The following PARD3 variants were observed in gnomAD, a reference collection of about 807,000 sequenced individuals.
PARD3 encodes partitioning defective 3 homolog.
Under a neutral mutation model 155.4 loss-of-function variants are expected in PARD3, and 75 were observed. The ratio of observed to expected loss-of-function variants is 0.48; its 90% CI spans 0.40 to 0.58. The LOEUF (loss-of-function observed/expected upper bound fraction) is 0.58, where lower values mean the gene tolerates loss of function less well. PARD3 is among the 20% of genes least tolerant of loss of function. The probability of loss-of-function intolerance (pLI) is 0.00; values close to 1 mark genes in which losing one functional copy is unlikely to be tolerated. For missense variants in PARD3, 1,642 were observed against 1,721.7 expected (o/e 0.95, Z 0.82); for synonymous variants, 576 against 610.5 (o/e 0.94, Z 0.83).
intron 20 of PARD3, among the ~76,000 whole-genome samples, chr10:34,308,812 A>G (rs1235312748): frequency 6.6e-6 from 1 of 152,134 alleles, no homozygotes; most frequent in Non-Finnish European, 1.5e-5. Context: ...TGTGTTACCA[A>G]AAAGAGAAAA....
intron 1 of PARD3, among the ~76,000 whole-genome samples, chr10:34,770,860 G>A (rs2134091097): frequency 6.6e-6 from 1 of 152,270 alleles, no homozygotes; most frequent in East Asian, 1.9e-4. Flanking sequence ...CGGAAAGGTG[G>A]GCAGCAAAGT....
chr10:34,120,478 T>C (rs1010789859), intron 23 of PARD3, among the ~76,000 whole-genome samples: 1 of 152,124 alleles, frequency 6.6e-6, no homozygotes, highest in Admixed American at 6.5e-5. Flanking sequence ...AGAGGGAAAG[T>C]CCAGGAGTGC....
intron 2 of PARD3, among the ~76,000 whole-genome samples, chr10:34,560,833 T>TA (rs1295376790): frequency 6.6e-6 from 1 of 152,158 alleles, no homozygotes; most frequent in Non-Finnish European, 1.5e-5. Flanking sequence ...AAAGGATAGC[T>TA]AGGGGAATAA....
At chr10:34,746,566 A>T (rs1254074426) in intron 1 of PARD3, among the ~76,000 whole-genome samples, 1 of 152,220 alleles carries the variant, frequency 6.6e-6, no homozygotes, top group African/African-American at 2.4e-5. Context: ...GCCCATAAGT[A>T]GCCCAAACTT....
At chr10:34,304,913 T>C (rs1321858932) in intron 20 of PARD3, among the ~76,000 whole-genome samples, 5 of 152,154 alleles carry the variant, frequency 3.3e-5, no homozygotes, top group Admixed American at 6.5e-5. Context: ...ACATACCACC[T>C]GACAAAATCA....
At chr10:34,812,698 C>G (rs949292283) in intron 1 of PARD3, among the ~76,000 whole-genome samples, 2 of 152,134 alleles carry the variant, frequency 1.3e-5, no homozygotes, top group African/African-American at 4.8e-5. Flanking sequence ...ACCTACAGAA[C>G]TCTAAGTTGT....
At chr10:34,811,286 G>C (rs376286684) in intron 1 of PARD3, among the ~76,000 whole-genome samples, 151 of 152,258 alleles carry the variant, frequency 9.9e-4, no homozygotes, top group African/African-American at 3.3e-3. Context: ...TCCTCAGTTT[G>C]ATCCTGACCC....
intron 22 of PARD3, among the ~76,000 whole-genome samples, chr10:34,254,886 T>C (rs1207213973): frequency 6.6e-6 from 1 of 152,154 alleles, no homozygotes; most frequent in African/African-American, 2.4e-5. Flanking sequence ...GACAGACAGA[T>C]GTGTACAAGA....
chr10:34,195,335 T>C (rs1457615045), intron 22 of PARD3, among the ~76,000 whole-genome samples: 2 of 152,202 alleles, frequency 1.3e-5, no homozygotes, highest in Non-Finnish European at 2.9e-5. Flanking sequence ...ACTCTTTTCT[T>C]TGTTGTTCAA....
chr10:34,385,440 G>A (rs917944806), intron 7 of PARD3, among the ~76,000 whole-genome samples: 1 of 152,054 alleles, frequency 6.6e-6, no homozygotes, highest in Non-Finnish European at 1.5e-5. Context: ...ATTACTTGAT[G>A]GCTGGCATAA....
chr10:34,532,864 C>T (rs915087526), intron 2 of PARD3, among the ~76,000 whole-genome samples: 2 of 152,164 alleles, frequency 1.3e-5, no homozygotes, highest in Non-Finnish European at 2.9e-5. Context: ...TGTCACTTAA[C>T]AACAGGGATA....
In PARD3 at chr10:34,497,004, T is replaced by C. The variant is rs909084640; in HGVS notation, c.403+19975A>G. Among the ~76,000 whole-genome samples the C allele has an allele frequency of 2.0e-5, 3 of 152,312 alleles. No homozygotes were observed. The East Asian group carries it at 5.8e-4, about 29-fold the overall frequency. ...TTGGATGAGTTCGTAGGAGTATAGA[T>C]GCAGCAAGACTAGCCATAAATTAAT... On this transcript the variant is annotated intron_variant, in intron 3 of 24. Transcript: ENST00000374788.
chr10:34,121,113 T>G (rs1311826968), intron 23 of PARD3, among the ~76,000 whole-genome samples: 1 of 152,096 alleles, frequency 6.6e-6, no homozygotes, highest in Non-Finnish European at 1.5e-5. Context: ...AAAACATACT[T>G]TGGTCAGCAA....
chr10:34,435,772 C>T lies in PARD3; in HGVS notation c.714+14545G>A, dbSNP rs141190358. On this transcript the variant is annotated intron_variant, in intron 5 of 24. Coordinates refer to ENST00000374788, the MANE Select transcript of PARD3 (RefSeq NM_001184785.2). ...AAAAAGTTAACACAGAAGTAAATTA[C>T]AAAGCACCCCGCTTTGGGATATACT... Among the ~76,000 whole-genome samples the T allele has an allele frequency of 6.4e-4, 98 of 152,304 alleles. 1 individual carries two copies. Among genetic ancestry groups the T allele is most frequent in the South Asian group, 6.2e-3 (30 of 4,828 alleles).
intron 22 of PARD3, among the ~76,000 whole-genome samples, chr10:34,219,292 A>T (rs1952161521): frequency 6.6e-6 from 1 of 152,226 alleles, no homozygotes; most frequent in African/African-American, 2.4e-5. Flanking sequence ...AGAATGCCTG[A>T]AACACTGAGA....
intron 2 of PARD3, among the ~76,000 whole-genome samples, chr10:34,668,506 G>A (rs2093545455): frequency 6.6e-6 from 1 of 152,186 alleles, no homozygotes; most frequent in South Asian, 2.1e-4. Flanking sequence ...AGGAAGAGCA[G>A]AGAGAGGAAG....
chr10:34,731,337 T>C (rs2094813152), intron 1 of PARD3, among the ~76,000 whole-genome samples: 1 of 152,234 alleles, frequency 6.6e-6, no homozygotes, highest in South Asian at 2.1e-4. Context: ...AGCTGTTCAC[T>C]ACCTCTTAGT....
At chr10:34,394,126 C>T (rs1033441918) in intron 7 of PARD3, among the ~76,000 whole-genome samples, 6 of 151,842 alleles carry the variant, frequency 4.0e-5, no homozygotes, top group Admixed American at 2.0e-4. Context: ...TGAGCCACCG[C>T]GCCTGGCCTA....
chr10:34,390,140 A>G (rs987521332), intron 7 of PARD3, among the ~76,000 whole-genome samples: 2 of 152,240 alleles, frequency 1.3e-5, no homozygotes, highest in East Asian at 1.9e-4. Flanking sequence ...AAAATTGAGT[A>G]CTCAAAAGTT....
Sources: allele counts gnomAD v4.1 joint callset (sites outside exome capture counted in the v4.1 genomes callset), GRCh38; gene constraint gnomAD v4.1.1; transcripts MANE v1.5; gene names NCBI Gene and HGNC (gene_info 2026-07-23, HGNC 2026-07-21).